TUB: variants seen among roughly 807,000 people sequenced by gnomAD.
TUB encodes TUB bipartite transcription factor, also known as tubby protein homolog.
TUB carries 33 observed loss-of-function variants against 59.7 expected under a neutral mutation model. The observed-to-expected ratio is 0.55, with a 90% CI of 0.42 to 0.74. TUB has a LOEUF of 0.74. Among genes scored for constraint, TUB ranks in the 30% least tolerant of loss-of-function variants. TUB has a pLI of 0.00. For synonymous variants in TUB, 293 were observed against 256.4 expected (o/e 1.14, Z -1.36); for missense variants, 659 against 672.0 (o/e 0.98, Z 0.21).
At position 8,071,039 on chromosome 11, in the gene TUB, A is replaced by C. The variant is rs138565271; in HGVS notation, c.204-18571A>C. Among the ~76,000 whole-genome samples the C allele has an allele frequency of 4.1e-3, 624 of 152,244 alleles. 6 individuals are homozygous for C. Among genetic ancestry groups the C allele is most frequent in the African/African-American group, 0.014 (588 of 41,562 alleles). On this transcript the variant is annotated intron_variant, in intron 2 of 12. Transcript: ENST00000305253. The stretch of plus-strand genomic sequence containing the variant: ...TTTAAGTGGTTTATATATATTAACT[A>C]TTAAGTCCCCAGGACAGCCCAAGGC...
At chr11:8,070,567 A>G (rs1245979839) in intron 2 of TUB, among the ~76,000 whole-genome samples, 1 of 152,220 alleles carries the variant, frequency 6.6e-6, no homozygotes, top group Non-Finnish European at 1.5e-5. Context: ...GTGCAATAAT[A>G]TAAACCATGA....
chr11:8,090,053 C>G lies in TUB; in HGVS notation c.91-16C>G. The G allele has an allele frequency of 1.3e-6, 2 of 1,584,520 alleles. No individual in the cohort carries two copies. Among genetic ancestry groups the G allele is most frequent in the Non-Finnish European group, 1.7e-6 (2 of 1,165,316 alleles). ...TGGTGGAGGCAGTGGGTCAGCCAACCTCTGTGCCTCCATAGCGGGCCCTGC... is the reference window on the plus strand; with the variant it reads ...TGGTGGAGGCAGTGGGTCAGCCAACGTCTGTGCCTCCATAGCGGGCCCTGC... On this transcript the variant is annotated splice_polypyrimidine_tract_variant and intron_variant, in intron 2 of 11. Transcript: ENST00000299506.
intron 2 of TUB, among the ~76,000 whole-genome samples, chr11:8,062,786 C>T (rs1943157820): frequency 6.6e-6 from 1 of 152,048 alleles, no homozygotes; most frequent in Non-Finnish European, 1.5e-5. Flanking sequence ...GTGATTCTGA[C>T]AGGCTGCAGC....
At chr11:8,026,473 T>TA (rs35114711) in intron 1 of TUB, among the ~76,000 whole-genome samples, 62,556 of 148,356 alleles carry the variant, frequency 0.42, 14,279 homozygotes, top group East Asian at 0.61. Context: ...TGAGATTCAT[T>TA]AAAAAAAAAA....
upstream of TUB, among the ~76,000 whole-genome samples, chr11:8,081,106 G>GGCAAGGGC (rs1157916284): frequency 1.3e-5 from 2 of 151,054 alleles, no homozygotes; most frequent in Non-Finnish European, 3.0e-5. Context: ...CGGGGGAGGG[G>GGCAAGGGC]GCAAGGGCGC....
Position 8,094,244 on chromosome 11 carries a change from C to T in TUB, c.397+55C>T, listed in dbSNP as rs1270780451. 5.2e-6 allele frequency: 8 copies of T among 1,538,634 alleles called. No individual in the cohort carries two copies. In the Admixed American group the frequency reaches 1.4e-4, roughly 26 times the overall value. On this transcript the variant is annotated intron_variant, in intron 4 of 11. Transcript: ENST00000299506. Reference sequence around the variant, plus strand: ...AGCAGGCCTGGCCTCCACTGTAGGGCTGGGGAAGGTTTGTCCTCCTGACTT... The same window carrying T: ...AGCAGGCCTGGCCTCCACTGTAGGGTTGGGGAAGGTTTGTCCTCCTGACTT...
chr11:8,048,629 C>T (rs1942877446), intron 2 of TUB, among the ~76,000 whole-genome samples: 1 of 152,088 alleles, frequency 6.6e-6, no homozygotes. Context: ...CAGTCTGGAA[C>T]TCCTGGTCTC....
intron 5 of TUB, among the ~76,000 whole-genome samples, chr11:8,096,161 G>A (rs1477850829): frequency 6.6e-6 from 1 of 152,210 alleles, no homozygotes; most frequent in Non-Finnish European, 1.5e-5. Context: ...CCCAGGGAAT[G>A]GCAGGCGGGA....
At chr11:8,089,764 G>T (rs957886805) in intron 2 of TUB, 103 bp downstream of exon 2, 1 of 1,447,338 alleles carries the variant, frequency 6.9e-7, no homozygotes, top group Non-Finnish European at 9.7e-7. Flanking sequence ...CCGTCTGATT[G>T]GGGGATGGGA....
intron 1 of TUB, among the ~76,000 whole-genome samples, chr11:8,082,244 C>T (rs1943583587): frequency 6.6e-6 from 1 of 152,236 alleles, no homozygotes. Flanking sequence ...GTACATAGAA[C>T]TGCCCTCACA....
chr11:8,089,789 A>C, intron 2 of TUB, 128 bp downstream of exon 2: 1 of 1,299,236 alleles, frequency 7.7e-7, no homozygotes, highest in Non-Finnish European at 1.1e-6. Context: ...CATGTGGAAG[A>C]AGAGAGGTGC....
chr11:8,096,617 C>T (rs538052875), intron 5 of TUB, 68 bp from the exon 6 acceptor site: 1 of 1,033,182 alleles, frequency 9.7e-7, no homozygotes, highest in Admixed American at 1.7e-5. Context: ...GAGTATGTGA[C>T]CATGTGTATT....
intron 2 of TUB, among the ~76,000 whole-genome samples, chr11:8,066,822 C>T (rs957092311): frequency 6.6e-6 from 1 of 152,174 alleles, no homozygotes; most frequent in Non-Finnish European, 1.5e-5. Flanking sequence ...AACAGCCTAC[C>T]AGGCGTGCAG....
At chr11:8,029,780 A>G (rs1333193754) in intron 1 of TUB, among the ~76,000 whole-genome samples, 4 of 152,086 alleles carry the variant, frequency 2.6e-5, no homozygotes, top group Non-Finnish European at 5.9e-5. Context: ...GGGTGGAGGG[A>G]TGAGAACAGG....
intron 2 of TUB, among the ~76,000 whole-genome samples, chr11:8,052,580 C>T (rs1234658856): frequency 6.7e-6 from 1 of 149,374 alleles, no homozygotes; most frequent in East Asian, 2.0e-4. Context: ...TGCCATTCTC[C>T]TGCCTCAGCC....
Position 8,089,609 on chromosome 11 carries a change from G to T in TUB, c.39-1G>T. ...CTGAAAACCCCTCTTTCGCTCTGCA[G>T]TGTCTTAGATGATGAGGGCAGAAAC... On this transcript the variant is annotated splice_acceptor_variant, in intron 1 of 11. Coordinates refer to ENST00000299506, the MANE Select transcript of TUB (RefSeq NM_177972.3). LOFTEE classifies it high-confidence loss of function. 1 of 1,614,210 alleles carries T rather than the reference G, an allele frequency of 6.2e-7. No homozygotes were observed. The highest frequency in any genetic ancestry group is 1.1e-5 in the South Asian group (1 of 91,084).
intron 1 of TUB, among the ~76,000 whole-genome samples, chr11:8,025,901 A>C (rs1279613988): frequency 6.6e-6 from 1 of 152,234 alleles, no homozygotes. Context: ...ACTTTTCCAA[A>C]GAGGTTGGAC....
chr11:8,049,697 T>C (rs2133751528), intron 2 of TUB, among the ~76,000 whole-genome samples: 1 of 152,002 alleles, frequency 6.6e-6, no homozygotes, highest in East Asian at 1.9e-4. Context: ...AACATATGTA[T>C]GTAATCACTA....
At chr11:8,058,220 T>A (rs201533265) in intron 2 of TUB, among the ~76,000 whole-genome samples, 49 of 139,760 alleles carry the variant, frequency 3.5e-4, no homozygotes, top group Admixed American at 5.8e-4. Flanking sequence ...TCTCAAAAAT[T>A]AAAAAAAAAA....
Sources: gnomAD v4.1 joint callset for allele counts (sites outside exome capture counted in the v4.1 genomes callset) on GRCh38, gnomAD v4.1.1 for gene constraint, MANE v1.5 for transcripts, NCBI Gene and HGNC (gene_info 2026-07-23, HGNC 2026-07-21) for gene names.